The following ATOSA variants were observed in gnomAD, a reference collection of about 807,000 sequenced individuals.
ATOSA encodes the protein atos homolog protein A.
the ATOSA span, among the ~76,000 whole-genome samples, chr15:52,615,682 T>C: frequency 6.6e-6 from 1 of 152,174 alleles, no homozygotes; most frequent in Non-Finnish European, 1.5e-5. Flanking sequence ...CAGGAAGGCT[T>C]ATCAGGAAAG....
At chr15:52,613,474 GT>G in the ATOSA span, among the ~76,000 whole-genome samples, 1 of 152,196 alleles carries the variant, frequency 6.6e-6, no homozygotes, top group Admixed American at 6.5e-5. Flanking sequence ...GATCAGCAGA[GT>G]TACCTGCAAT....
the ATOSA span, chr15:52,608,659 G>C: frequency 1.2e-6 from 2 of 1,611,760 alleles, no homozygotes; most frequent in Non-Finnish European, 1.7e-6. Context: ...TTCATTAGTT[G>C]GATCTTCTTG....
chr15:52,704,990 A>T, the ATOSA span, among the ~76,000 whole-genome samples: 30 of 152,310 alleles, frequency 2.0e-4, no homozygotes, highest in African/African-American at 7.2e-4. Flanking sequence ...TTGACCCAGC[A>T]ATCCCATTAC....
the ATOSA span, among the ~76,000 whole-genome samples, chr15:52,662,579 G>A: frequency 2.0e-5 from 3 of 151,984 alleles, no homozygotes; most frequent in East Asian, 3.9e-4. Flanking sequence ...GACCATCCTG[G>A]CTAACACAGT....
At chr15:52,629,266 C>T in the ATOSA span, among the ~76,000 whole-genome samples, 1 of 152,078 alleles carries the variant, frequency 6.6e-6, no homozygotes, top group East Asian at 1.9e-4. Context: ...TACCCCCTCC[C>T]CAATACCTGT....
chr15:52,620,289 A>G, the ATOSA span, among the ~76,000 whole-genome samples: 3 of 152,194 alleles, frequency 2.0e-5, no homozygotes, highest in African/African-American at 4.8e-5. Context: ...GAGAGGTTCA[A>G]TTAGGCTTGT....
At chr15:52,650,602 C>G in the ATOSA span, among the ~76,000 whole-genome samples, 839 of 152,236 alleles carry the variant, frequency 5.5e-3, 21 homozygotes, top group Admixed American at 0.043. Context: ...TCTCTCCTTA[C>G]CAGAAATGCT....
At chr15:52,649,309 G>A in the ATOSA span, among the ~76,000 whole-genome samples, 3 of 151,984 alleles carry the variant, frequency 2.0e-5, no homozygotes, top group Non-Finnish European at 1.5e-5. Context: ...TATCACTTAA[G>A]GCATACATAT....
At chr15:52,694,887 T>C in the ATOSA span, among the ~76,000 whole-genome samples, 2 of 151,912 alleles carry the variant, frequency 1.3e-5, no homozygotes, top group African/African-American at 4.8e-5. Context: ...ACAATCACCA[T>C]ACTTTCCCCC....
the ATOSA span, among the ~76,000 whole-genome samples, chr15:52,668,022 C>T: frequency 6.6e-6 from 1 of 152,200 alleles, no homozygotes; most frequent in African/African-American, 2.4e-5. Flanking sequence ...ATATCAGAGA[C>T]AGAACTACCA....
At chr15:52,687,861 T>C in the ATOSA span, among the ~76,000 whole-genome samples, 22 of 152,258 alleles carry the variant, frequency 1.4e-4, no homozygotes, top group Non-Finnish European at 1.5e-5. Context: ...TTTGTTTTGC[T>C]ACATGAATTG....
At chr15:52,660,549 T>G in the ATOSA span, among the ~76,000 whole-genome samples, 2 of 152,248 alleles carry the variant, frequency 1.3e-5, no homozygotes, top group African/African-American at 4.8e-5. Context: ...TATATTTCCT[T>G]CAGCGCACTT....
At chr15:52,614,522 G>C in the ATOSA span, among the ~76,000 whole-genome samples, 1 of 151,916 alleles carries the variant, frequency 6.6e-6, no homozygotes, top group African/African-American at 2.4e-5. Flanking sequence ...ATTATTCAGA[G>C]ATATCTATTG....
chr15:52,614,872 G>C, the ATOSA span, among the ~76,000 whole-genome samples: 1 of 152,084 alleles, frequency 6.6e-6, no homozygotes, highest in Non-Finnish European at 1.5e-5. Flanking sequence ...AATATTTTTG[G>C]ATGTCAGGTA....
the ATOSA span, chr15:52,608,500 C>A: frequency 6.8e-7 from 1 of 1,476,874 alleles, no homozygotes; most frequent in African/African-American, 1.4e-5. Flanking sequence ...AACCAGATCT[C>A]CTGTGAACAA....
chr15:52,617,600 TA>T, the ATOSA span, among the ~76,000 whole-genome samples: 1 of 151,938 alleles, frequency 6.6e-6, no homozygotes, highest in African/African-American at 2.4e-5. Context: ...AAGACAAAAA[TA>T]ACTCATTTTT....
chr15:52,582,847 T>C, the ATOSA span, among the ~76,000 whole-genome samples: 1 of 152,162 alleles, frequency 6.6e-6, no homozygotes, highest in Non-Finnish European at 1.5e-5. Context: ...AAAATGAAAA[T>C]GGCTATCAAA....
At chr15:52,694,249 C>T in the ATOSA span, among the ~76,000 whole-genome samples, 9 of 151,804 alleles carry the variant, frequency 5.9e-5, no homozygotes, top group East Asian at 5.8e-4. Flanking sequence ...TCACCGCAAC[C>T]TCCTCCTCAT....
chr15:52,688,572 G>A, the ATOSA span, among the ~76,000 whole-genome samples: 1 of 152,156 alleles, frequency 6.6e-6, no homozygotes, highest in South Asian at 2.1e-4. Context: ...TGGGGGTTGG[G>A]GAGAAAAGGA....
Sources: allele counts gnomAD v4.1 joint callset (sites outside exome capture counted in the v4.1 genomes callset), GRCh38; gene constraint gnomAD v4.1.1; transcripts MANE v1.5; gene names NCBI Gene and HGNC (gene_info 2026-07-23, HGNC 2026-07-21).